The following FSIP1 variants were observed in gnomAD, a reference collection of about 807,000 sequenced individuals.
FSIP1 encodes fibrous sheath interacting protein 1.
FSIP1 carries 65 observed loss-of-function variants against 60.9 expected under a neutral mutation model. The ratio of observed to expected loss-of-function variants is 1.07; its 90% CI spans 0.87 to 1.31. The LOEUF is 1.31. Among genes scored for constraint, FSIP1 ranks in the 40% most tolerant of loss-of-function variants. FSIP1 has a pLI of 0.00. For missense variants in FSIP1, 675 were observed against 665.5 expected (o/e 1.01, Z -0.16); for synonymous variants, 209 against 221.2 (o/e 0.94, Z 0.49).
At chr15:39,650,150 T>C (rs1236597773) in intron 10 of FSIP1, among the ~76,000 whole-genome samples, 2 of 152,240 alleles carry the variant, frequency 1.3e-5, no homozygotes, top group African/African-American at 4.8e-5. Context: ...TCAAACTCAG[T>C]TGGACAGGTT....
intron 10 of FSIP1, among the ~76,000 whole-genome samples, chr15:39,706,031 T>C (rs942477480): frequency 3.3e-5 from 5 of 151,970 alleles, no homozygotes; most frequent in Admixed American, 2.0e-4. Context: ...TCTAAAAGTC[T>C]TCTATTGACA....
At chr15:39,708,599 C>A (rs1895372635) in intron 10 of FSIP1, among the ~76,000 whole-genome samples, 1 of 152,106 alleles carries the variant, frequency 6.6e-6, no homozygotes, top group African/African-American at 2.4e-5. Flanking sequence ...CTACCCCAAC[C>A]AACACACACA....
intron 4 of FSIP1, 44 bp from the exon 5 acceptor site, chr15:39,763,958 A>G: frequency 2.0e-6 from 2 of 998,324 alleles, no homozygotes; most frequent in Non-Finnish European, 3.1e-6. Context: ...AAAAGAAGGC[A>G]ACTATAATCA....
intron 8 of FSIP1, among the ~76,000 whole-genome samples, chr15:39,732,732 T>C (rs1030288397): frequency 7.9e-5 from 12 of 152,322 alleles, no homozygotes; most frequent in Admixed American, 5.9e-4. Flanking sequence ...TTTAGTCTTC[T>C]TTAAGCTGTG....
intron 1 of FSIP1, among the ~76,000 whole-genome samples, chr15:39,781,603 T>C (rs1898266584): frequency 6.6e-6 from 1 of 152,180 alleles, no homozygotes; most frequent in Non-Finnish European, 1.5e-5. Context: ...ATAAATATAC[T>C]ACCGTAGATC....
intron 10 of FSIP1, among the ~76,000 whole-genome samples, chr15:39,671,653 C>T (rs1893725782): frequency 6.6e-6 from 1 of 152,048 alleles, no homozygotes; most frequent in Admixed American, 6.6e-5. Flanking sequence ...CAGTGGAGTC[C>T]TGCATTAATG....
chr15:39,641,107 A>G (rs1281329951), intron 10 of FSIP1, among the ~76,000 whole-genome samples: 1 of 152,254 alleles, frequency 6.6e-6, no homozygotes, highest in Non-Finnish European at 1.5e-5. Context: ...ATAAAGATCT[A>G]TTAGACACCT....
chr15:39,628,966 A>G (rs1876853), intron 10 of FSIP1, among the ~76,000 whole-genome samples: 27,596 of 152,206 alleles, frequency 0.18, 3,055 homozygotes, highest in East Asian at 0.32. Context: ...GCAGGAGCTC[A>G]ATCAATGCTG....
chr15:39,751,508 G>A (rs775857761), intron 5 of FSIP1, among the ~76,000 whole-genome samples: 7 of 151,114 alleles, frequency 4.6e-5, no homozygotes, highest in Admixed American at 2.0e-4. Context: ...CACAACATGG[G>A]TAGACTTGGA....
intron 9 of FSIP1, among the ~76,000 whole-genome samples, chr15:39,717,821 T>A (rs1739856376): frequency 6.6e-6 from 1 of 152,166 alleles, no homozygotes. Context: ...TCTTTATAAT[T>A]CTCCCAATCC....
intron 10 of FSIP1, among the ~76,000 whole-genome samples, chr15:39,679,843 G>A (rs1262352331): frequency 6.6e-6 from 1 of 152,096 alleles, no homozygotes; most frequent in Non-Finnish European, 1.5e-5. Flanking sequence ...TGTCACAAAT[G>A]CAAATTTTAA....
intron 10 of FSIP1, among the ~76,000 whole-genome samples, chr15:39,638,185 C>A (rs1266483151): frequency 1.3e-5 from 2 of 152,226 alleles, no homozygotes; most frequent in African/African-American, 4.8e-5. Context: ...GACAAGAGAA[C>A]ATTTGCTACC....
intron 10 of FSIP1, among the ~76,000 whole-genome samples, chr15:39,620,384 A>G (rs73391288): frequency 0.053 from 8,068 of 152,220 alleles, 736 homozygotes; most frequent in African/African-American, 0.19. Context: ...AAACTAATCA[A>G]TTAAGAAAGT....
At chr15:39,604,097 A>T (rs2140361047) in intron 11 of FSIP1, among the ~76,000 whole-genome samples, 1 of 152,238 alleles carries the variant, frequency 6.6e-6, no homozygotes, top group African/African-American at 2.4e-5. Context: ...ATACCCGGCT[A>T]ATTTTGTATT....
chr15:39,653,829 G>A (rs4319738), intron 10 of FSIP1, among the ~76,000 whole-genome samples: 84,720 of 152,162 alleles, frequency 0.56, 25,710 homozygotes, highest in Non-Finnish European at 0.7. Flanking sequence ...ATGTGGAACT[G>A]TAAGTCCAAT....
rs386382788 is a variant in FSIP1 at position 39,687,137 on chromosome 15, C to CTTT, written c.1188+26304_1188+26306dup. On this transcript the variant is annotated intron_variant, in intron 10 of 11. Coordinates refer to ENST00000350221, the MANE Select transcript of FSIP1 (RefSeq NM_152597.5). Reference sequence around the variant, plus strand: ...ACCTTTCTTTCTTTCTTTTCTTTTCCTTTTTTTTTTTTTTTTTTTTTTTTT... The same window carrying CTTT: ...ACCTTTCTTTCTTTCTTTTCTTTTCCTTTTTTTTTTTTTTTTTTTTTTTTTTTT... 1.6e-4 allele frequency among the ~76,000 whole-genome samples: 19 copies of CTTT among 115,454 alleles called. 1 individual carries two copies. The highest frequency in any genetic ancestry group is 3.0e-4 in the Admixed American group (3 of 9,854). The allele number at this position is 115,454 out of a possible 152,430, so 75.7% of individuals were successfully genotyped here. A position where few individuals can be genotyped will look rare whatever the true frequency, so the allele number is the denominator to read the frequency against.
intron 9 of FSIP1, among the ~76,000 whole-genome samples, chr15:39,714,994 G>GACTA (rs1206984160): frequency 7.0e-6 from 1 of 142,572 alleles, no homozygotes; most frequent in Non-Finnish European, 1.5e-5. Flanking sequence ...AAAAAAAAAG[G>GACTA]ACTAAGGACT....
intron 2 of FSIP1, among the ~76,000 whole-genome samples, chr15:39,771,774 G>A (rs1229586712): frequency 1.3e-5 from 2 of 152,176 alleles, no homozygotes; most frequent in African/African-American, 4.8e-5. Context: ...CCAGGAGGTG[G>A]TTAAACAGGG....
chr15:39,620,408 A>T (rs1891396717), intron 10 of FSIP1, among the ~76,000 whole-genome samples: 1 of 152,174 alleles, frequency 6.6e-6, no homozygotes, highest in Non-Finnish European at 1.5e-5. Context: ...TTATTAATAA[A>T]TAATATAGAG....
Sources: gnomAD v4.1 joint callset for allele counts (sites outside exome capture counted in the v4.1 genomes callset) on GRCh38, gnomAD v4.1.1 for gene constraint, MANE v1.5 for transcripts, NCBI Gene and HGNC (gene_info 2026-07-23, HGNC 2026-07-21) for gene names.